The following MBD5 variants were observed in gnomAD, a reference collection of about 807,000 sequenced individuals.
MBD5 encodes methyl-CpG binding domain protein 5.
In MBD5, 13 loss-of-function variants were observed where a neutral mutation model predicts 117.3. The observed-to-expected ratio is 0.11, with a 90% CI of 0.07 to 0.18. The LOEUF (loss-of-function observed/expected upper bound fraction) is 0.18, where lower values mean the gene tolerates loss of function less well. MBD5 is among the 10% of genes least tolerant of loss of function. MBD5 has a pLI of 1.00. For synonymous variants in MBD5, 727 were observed against 766.4 expected (o/e 0.95, Z 0.85); for missense variants, 1,879 against 2,093.8 (o/e 0.90, Z 2.00).
At chr2:148,253,902 T>C (rs1190188550) in intron 3 of MBD5, among the ~76,000 whole-genome samples, 4 of 152,220 alleles carry the variant, frequency 2.6e-5, no homozygotes, top group Non-Finnish European at 5.9e-5. Context: ...GTTGTGCACC[T>C]GCACTCCAAA....
At chr2:148,395,528 A>G (rs1704686156) in intron 4 of MBD5, among the ~76,000 whole-genome samples, 1 of 149,690 alleles carries the variant, frequency 6.7e-6, no homozygotes, top group African/African-American at 2.5e-5. Context: ...AGGCTCAAGC[A>G]ATTCTCCTGC....
intron 2 of MBD5, among the ~76,000 whole-genome samples, chr2:148,223,938 T>A (rs1407031244): frequency 1.3e-5 from 2 of 152,216 alleles, no homozygotes; most frequent in African/African-American, 4.8e-5. Context: ...ATCATTTGTT[T>A]CAATGAATGT....
intron 4 of MBD5, among the ~76,000 whole-genome samples, chr2:148,404,446 A>G (rs1705017459): frequency 6.7e-6 from 1 of 150,090 alleles, no homozygotes; most frequent in Admixed American, 6.7e-5. Flanking sequence ...ACTCAAAAGG[A>G]AACTTCTATA....
At chr2:148,155,406 A>G (rs936008996) in intron 1 of MBD5, among the ~76,000 whole-genome samples, 6 of 152,198 alleles carry the variant, frequency 3.9e-5, no homozygotes, top group Admixed American at 3.9e-4. Context: ...TCAGACAGGT[A>G]ATGGGAAACA....
intron 12 of MBD5, among the ~76,000 whole-genome samples, chr2:148,504,681 A>G (rs974939198): frequency 6.6e-6 from 1 of 152,242 alleles, no homozygotes; most frequent in African/African-American, 2.4e-5. Context: ...AAAGGCAGGT[A>G]AAGGAAGGGT....
intron 13 of MBD5, among the ~76,000 whole-genome samples, chr2:148,511,986 G>T (rs1042362808): frequency 6.6e-6 from 1 of 152,126 alleles, no homozygotes; most frequent in Non-Finnish European, 1.5e-5. Flanking sequence ...GTGACATAAG[G>T]TTGGCCAGGG....
At chr2:148,330,120 C>CACACACA (rs1553501700) in intron 3 of MBD5, among the ~76,000 whole-genome samples, 2 of 145,512 alleles carry the variant, frequency 1.4e-5, no homozygotes, top group Non-Finnish European at 1.5e-5. Context: ...CACACACACT[C>CACACACA]TACCTTAGGC....
intron 4 of MBD5, among the ~76,000 whole-genome samples, chr2:148,446,064 T>G (rs1313474028): frequency 6.6e-6 from 1 of 151,020 alleles, no homozygotes; most frequent in African/African-American, 2.5e-5. Context: ...TGCAAAAATT[T>G]TCTCCCATTC....
intron 11 of MBD5, among the ~76,000 whole-genome samples, chr2:148,491,787 G>A (rs1173586452): frequency 2.0e-5 from 3 of 151,824 alleles, no homozygotes; most frequent in Admixed American, 2.0e-4. Flanking sequence ...ACATTCTTTA[G>A]GTTGAAAAAC....
At chr2:148,101,897 A>T (rs1696226679) in intron 1 of MBD5, among the ~76,000 whole-genome samples, 3 of 152,164 alleles carry the variant, frequency 2.0e-5, no homozygotes. Context: ...ATATGTGTGT[A>T]TGTGTGCATG....
intron 1 of MBD5, among the ~76,000 whole-genome samples, chr2:148,151,242 A>G (rs532519787): frequency 5.1e-4 from 77 of 152,132 alleles, no homozygotes; most frequent in South Asian, 8.3e-4. Context: ...GCTGGATTAC[A>G]TTTATTGATT....
chr2:148,151,222 C>T (rs954026091), intron 1 of MBD5, among the ~76,000 whole-genome samples: 2 of 151,992 alleles, frequency 1.3e-5, no homozygotes, highest in African/African-American at 2.4e-5. Flanking sequence ...GTCTTTGGCT[C>T]TGTTTATGTG....
At chr2:148,159,674 A>G (rs1348494040) in intron 1 of MBD5, among the ~76,000 whole-genome samples, 1 of 152,116 alleles carries the variant, frequency 6.6e-6, no homozygotes, top group Non-Finnish European at 1.5e-5. Flanking sequence ...AACCCCCAAG[A>G]GTGTTTCTCA....
chr2:148,188,550 C>T (rs1027220502), intron 2 of MBD5, among the ~76,000 whole-genome samples: 19 of 151,980 alleles, frequency 1.3e-4, no homozygotes, highest in African/African-American at 4.1e-4. Flanking sequence ...GCCAGGCATA[C>T]TGGTGTAAAC....
chr2:148,227,165 G>A (rs1699851424), intron 2 of MBD5, among the ~76,000 whole-genome samples: 2 of 152,196 alleles, frequency 1.3e-5, no homozygotes, highest in Non-Finnish European at 2.9e-5. Flanking sequence ...TGCTTTTGGT[G>A]TTTTAGACAG....
chr2:148,022,051 C>A (rs1409498761), intron 1 of MBD5, among the ~76,000 whole-genome samples: 1 of 152,086 alleles, frequency 6.6e-6, no homozygotes, highest in East Asian at 1.9e-4. Context: ...AAAAAAAATT[C>A]ATTGGAGAGC....
chr2:148,431,784 T>C (rs569608545), intron 4 of MBD5, among the ~76,000 whole-genome samples: 4 of 152,296 alleles, frequency 2.6e-5, no homozygotes, highest in South Asian at 2.1e-4. Flanking sequence ...CAGTGCACCA[T>C]TGATGGACAT....
chr2:148,400,609 A>G (rs1704890230), intron 4 of MBD5, among the ~76,000 whole-genome samples: 1 of 152,218 alleles, frequency 6.6e-6, no homozygotes, highest in African/African-American at 2.4e-5. Flanking sequence ...AAGAAACTTG[A>G]TGAAAGAAAT....
At chr2:148,165,640 G>A (rs941575356) in intron 1 of MBD5, among the ~76,000 whole-genome samples, 8 of 151,930 alleles carry the variant, frequency 5.3e-5, no homozygotes, top group African/African-American at 1.9e-4. Flanking sequence ...AGTCTTCTGT[G>A]CCAATTTAAG....
Sources: allele counts gnomAD v4.1 joint callset (sites outside exome capture counted in the v4.1 genomes callset), GRCh38; gene constraint gnomAD v4.1.1; transcripts MANE v1.5; gene names NCBI Gene and HGNC (gene_info 2026-07-23, HGNC 2026-07-21).